The following ZNF431 variants were observed in gnomAD, a reference collection of about 807,000 sequenced individuals.
ZNF431 encodes the protein zinc finger protein 431.
A neutral mutation model predicts 57.0 loss-of-function variants in ZNF431; 34 were observed. The observed-to-expected ratio is 0.60, with a 90% CI of 0.45 to 0.79. The LOEUF (loss-of-function observed/expected upper bound fraction) is 0.79, where lower values mean the gene tolerates loss of function less well. Ranked by LOEUF, ZNF431 falls within the 30% of genes least tolerant of loss-of-function variation. The pLI is 0.00. For synonymous variants in ZNF431, 207 were observed against 220.3 expected (o/e 0.94, Z 0.54); for missense variants, 607 against 667.1 (o/e 0.91, Z 0.99).
intron 4 of ZNF431, among the ~76,000 whole-genome samples, chr19:21,180,744 C>T (rs567941545): frequency 6.6e-5 from 10 of 150,884 alleles, no homozygotes; most frequent in Admixed American, 3.3e-4. Context: ...ATCAAGAGAT[C>T]GAGACCACCC....
intron 2 of ZNF431, 52 bp downstream of exon 2, chr19:21,143,695 T>C (rs760515848): frequency 1.1e-5 from 15 of 1,391,992 alleles, no homozygotes; most frequent in East Asian, 4.6e-5. Flanking sequence ...CTTTCATTTC[T>C]TGGGGACACA....
chr19:21,149,991 C>G, intron 2 of ZNF431: 1 of 586,802 alleles, frequency 1.7e-6, no homozygotes, highest in Non-Finnish European at 3.2e-6. Context: ...ACCAGCTGAA[C>G]TTTCTTTTTC....
At chr19:21,145,561 A>C (rs776047498) in intron 2 of ZNF431, among the ~76,000 whole-genome samples, 22 of 152,138 alleles carry the variant, frequency 1.4e-4, no homozygotes, top group Non-Finnish European at 2.2e-4. Context: ...TGCTCAACCC[A>C]GCCATGGAAG....
At chr19:21,169,408 A>C (rs928434801) in intron 4 of ZNF431, among the ~76,000 whole-genome samples, 1 of 152,112 alleles carries the variant, frequency 6.6e-6, no homozygotes, top group Admixed American at 6.6e-5. Context: ...ATAGTTTTAT[A>C]TTGGTATCTG....
Position 21,152,789 on chromosome 19 carries a change from C to A in ZNF431, c.96+9146C>A, listed in dbSNP as rs1189407861. ...CACCCAAAGTCAGCCGATTGGTGCA[C>A]ACAGATGATTTTCCTTTGGGTCAGA... On this transcript the variant is annotated intron_variant, in intron 2 of 4. Coordinates refer to ENST00000311048, the MANE Select transcript of ZNF431 (RefSeq NM_133473.4). 4.6e-5 allele frequency among the ~76,000 whole-genome samples: 7 copies of A among 152,236 alleles called. No homozygotes were observed. The East Asian group carries it at 1.4e-3, about 29-fold the overall frequency.
At chr19:21,180,609 A>G (rs1024550120) in intron 4 of ZNF431, among the ~76,000 whole-genome samples, 1 of 152,132 alleles carries the variant, frequency 6.6e-6, no homozygotes, top group Non-Finnish European at 1.5e-5. Context: ...CTTGGGGATT[A>G]TATAAAACCT....
rs1971514756 is a variant in ZNF431 at position 21,191,714 on chromosome 19, G to C, written c.*7680G>C. 6.6e-6 allele frequency: 1 copy of C among 152,006 alleles called. No homozygotes were observed. Among genetic ancestry groups the C allele is most frequent in the Non-Finnish European group, 1.5e-5 (1 of 67,982 alleles). 9.4% of individuals were successfully genotyped at this position (152,006 alleles called of 1,614,324 possible). ...GTAAATACATGGATATATTTCTGCT[G>C]TTTTTTTCTTCTGCTCCATTGACCT... is the stretch of plus-strand genomic sequence containing the variant. On this transcript the variant is annotated 3_prime_UTR_variant, in exon 5 of 5. Coordinates refer to ENST00000311048, the MANE Select transcript of ZNF431 (RefSeq NM_133473.4).
At chr19:21,156,172 C>G (rs756055194) in intron 2 of ZNF431, among the ~76,000 whole-genome samples, 1 of 152,194 alleles carries the variant, frequency 6.6e-6, no homozygotes, top group Admixed American at 6.5e-5. Flanking sequence ...CCTGGCATAT[C>G]CCCACATGCA....
intron 4 of ZNF431, among the ~76,000 whole-genome samples, chr19:21,171,539 G>C (rs1214990750): frequency 6.6e-6 from 1 of 151,682 alleles, no homozygotes; most frequent in Non-Finnish European, 1.5e-5. Context: ...GATTATATGT[G>C]TGTGTGTTTA....
At chr19:21,152,078 A>T (rs909325549) in intron 2 of ZNF431, among the ~76,000 whole-genome samples, 1 of 152,260 alleles carries the variant, frequency 6.6e-6, no homozygotes, top group African/African-American at 2.4e-5. Flanking sequence ...ATGTGACAAC[A>T]TAGACCTTAG....
At chr19:21,170,029 A>G (rs1599603831) in intron 4 of ZNF431, 3 of 394,756 alleles carry the variant, frequency 7.6e-6, no homozygotes, top group Non-Finnish European at 8.9e-6. Flanking sequence ...AGTTGGGTGG[A>G]CCATTTCTTG....
intron 4 of ZNF431, among the ~76,000 whole-genome samples, chr19:21,170,209 G>A (rs1970844447): frequency 6.6e-6 from 1 of 152,076 alleles, no homozygotes. Flanking sequence ...TTTATCATCT[G>A]GTCTGGAAAT....
At position 21,192,657 on chromosome 19, in the gene ZNF431, G is replaced by C. The variant is rs750374720; in HGVS notation, c.*8623G>C. ...AAGTCTGACTAGAGTGGGCATCCTT[G>C]CCTTGTTCTAGCTCTTAGAGTAAAA... On this transcript the variant is annotated 3_prime_UTR_variant, in exon 5 of 5. Coordinates refer to ENST00000311048, the MANE Select transcript of ZNF431 (RefSeq NM_133473.4). 1 of 152,076 alleles carries C rather than the reference G, an allele frequency of 6.6e-6. No homozygotes were observed. The highest frequency in any genetic ancestry group is 1.5e-5 in the Non-Finnish European group (1 of 68,028). The allele number at this position is 152,076 out of a possible 1,614,324, so 9.4% of individuals were successfully genotyped here.
At chr19:21,162,404 C>T (rs983370484) in intron 2 of ZNF431, among the ~76,000 whole-genome samples, 1 of 152,034 alleles carries the variant, frequency 6.6e-6, no homozygotes, top group Non-Finnish European at 1.5e-5. Context: ...GAACTCCTGA[C>T]CTCAGGTGCC....
At chr19:21,178,793 T>TTGTGTGTGTG (rs61125024) in intron 4 of ZNF431, among the ~76,000 whole-genome samples, 10 of 148,566 alleles carry the variant, frequency 6.7e-5, no homozygotes, top group Middle Eastern at 3.2e-3. Flanking sequence ...ACTTGAAGGT[T>TTGTGTGTGTG]TGTGTGTGTG....
chr19:21,147,292 G>C (rs1970127777), intron 2 of ZNF431, among the ~76,000 whole-genome samples: 1 of 152,082 alleles, frequency 6.6e-6, no homozygotes, highest in Admixed American at 6.6e-5. Context: ...TTCAAGACCA[G>C]CCTGATCAAC....
At chr19:21,178,860 T>C (rs1433815439) in intron 4 of ZNF431, among the ~76,000 whole-genome samples, 2 of 151,990 alleles carry the variant, frequency 1.3e-5, no homozygotes, top group African/African-American at 4.8e-5. Context: ...CTGCCAGGTC[T>C]TGATATCAGG....
At chr19:21,160,749 A>G (rs1476903928) in intron 2 of ZNF431, among the ~76,000 whole-genome samples, 1 of 152,188 alleles carries the variant, frequency 6.6e-6, no homozygotes, top group Non-Finnish European at 1.5e-5. Flanking sequence ...TACTCCCTTC[A>G]TATAAGAGGT....
At chr19:21,162,713 TTTCTA>T in intron 2 of ZNF431, 1 of 985,418 alleles carries the variant, frequency 1.0e-6, no homozygotes, top group Non-Finnish European at 1.2e-6. Flanking sequence ...TCCTGCTGCC[TTTCTA>T]GAGCTGGTGC....
Sources: allele counts gnomAD v4.1 joint callset (sites outside exome capture counted in the v4.1 genomes callset), GRCh38; gene constraint gnomAD v4.1.1; transcripts MANE v1.5; gene names NCBI Gene and HGNC (gene_info 2026-07-23, HGNC 2026-07-21).